Variants in CDH18 observed in about 807,000 individuals in gnomAD.
CDH18 encodes the protein cadherin 18.
CDH18 carries 31 observed loss-of-function variants against 67.9 expected under a neutral mutation model. That is an observed-to-expected ratio of 0.46 (90% confidence interval 0.34 to 0.62). The LOEUF is 0.62. CDH18 is among the 20% of genes least tolerant of loss of function. The pLI, the probability that CDH18 is intolerant of heterozygous loss-of-function variation, is 0.01. For synonymous variants in CDH18, 362 were observed against 347.2 expected, an observed-to-expected ratio of 1.04 and a Z score of -0.48; for missense variants, 890 against 975.5, an observed-to-expected ratio of 0.91 and a Z score of 1.17.
At chr5:20,482,739 ACT>A (rs1024758294) in intron 1 of CDH18, among the ~76,000 whole-genome samples, 4 of 151,810 alleles carry the variant, frequency 2.6e-5, no homozygotes, top group African/African-American at 9.7e-5. Context: ...CCTGATGAAA[ACT>A]CTCAAAAAAA....
At chr5:19,555,176 C>T (rs1336333632) in intron 8 of CDH18, among the ~76,000 whole-genome samples, 1 of 152,164 alleles carries the variant, frequency 6.6e-6, no homozygotes, top group Admixed American at 6.5e-5. Flanking sequence ...TTGCAGCTCC[C>T]ACATGGACCA....
chr5:19,584,640 C>T (rs777431247), intron 7 of CDH18, among the ~76,000 whole-genome samples: 17 of 151,252 alleles, frequency 1.1e-4, no homozygotes, highest in Non-Finnish European at 2.4e-4. Flanking sequence ...GAAATCTAGA[C>T]TACATTAAAA....
intron 2 of CDH18, among the ~76,000 whole-genome samples, chr5:19,960,545 A>ATGTG (rs1796688044): frequency 1.8e-5 from 2 of 113,774 alleles, no homozygotes; most frequent in Admixed American, 9.3e-5. Context: ...TGTTTAATAT[A>ATGTG]CGTGTGTGTG....
chr5:19,482,483 A>T (rs1017859045), intron 12 of CDH18, among the ~76,000 whole-genome samples: 17 of 152,202 alleles, frequency 1.1e-4, no homozygotes, highest in African/African-American at 3.6e-4. Flanking sequence ...AAGACCAAAA[A>T]ATATTTAGTC....
intron 3 of CDH18, among the ~76,000 whole-genome samples, chr5:19,750,665 C>T (rs890053553): frequency 6.6e-6 from 1 of 151,628 alleles, no homozygotes; most frequent in African/African-American, 2.4e-5. Flanking sequence ...TAGCTAACCA[C>T]TATACTACTA....
intron 2 of CDH18, among the ~76,000 whole-genome samples, chr5:19,936,065 A>C (rs1215759876): frequency 6.6e-6 from 1 of 151,264 alleles, no homozygotes; most frequent in Non-Finnish European, 1.5e-5. Flanking sequence ...TTAGCGTGAT[A>C]CAACACAGCA....
intron 1 of CDH18, among the ~76,000 whole-genome samples, chr5:20,495,649 C>G (rs1753860783): frequency 6.6e-6 from 1 of 151,920 alleles, no homozygotes; most frequent in Admixed American, 6.6e-5. Flanking sequence ...AACCAGGAAA[C>G]AAGAAAGAGT....
chr5:20,277,187 G>A (rs1360299619), intron 1 of CDH18, among the ~76,000 whole-genome samples: 1 of 152,108 alleles, frequency 6.6e-6, no homozygotes, highest in East Asian at 1.9e-4. Flanking sequence ...GGTTACTGCA[G>A]GCCTTCGGTG....
In CDH18 at chr5:19,833,775, T is replaced by C. The variant is rs1581560483; in HGVS notation, c.228+4984A>G. Among the ~76,000 whole-genome samples, 8 of 152,346 alleles carry C rather than the reference T, an allele frequency of 5.3e-5. 2 individuals are homozygous for C. The highest frequency in any genetic ancestry group is 5.2e-4 in the Admixed American group (8 of 15,298). ...AAGGCCTTTTCTCCATCTATTGAGATAATCATGTGGTGTTTCTCTTTGGTT... is the reference window on the plus strand; with the variant it reads ...AAGGCCTTTTCTCCATCTATTGAGACAATCATGTGGTGTTTCTCTTTGGTT... On this transcript the variant is annotated intron_variant, in intron 3 of 12. Coordinates refer to ENST00000382275, the MANE Select transcript of CDH18 (RefSeq NM_004934.5).
chr5:19,963,755 ATAAAG>A (rs951287467), intron 2 of CDH18, among the ~76,000 whole-genome samples: 2 of 152,018 alleles, frequency 1.3e-5, no homozygotes, highest in East Asian at 2.0e-4. Context: ...GAATGGACAA[ATAAAG>A]TAATTTACAA....
intron 1 of CDH18, among the ~76,000 whole-genome samples, chr5:20,420,216 C>T (rs180853426): frequency 4.0e-5 from 6 of 151,266 alleles, no homozygotes; most frequent in Non-Finnish European, 5.9e-5. Flanking sequence ...CTTGTTAATA[C>T]GCCAAACTCG....
chr5:20,408,133 G>T (rs1023136026), intron 1 of CDH18, among the ~76,000 whole-genome samples: 1 of 151,906 alleles, frequency 6.6e-6, no homozygotes, highest in Non-Finnish European at 1.5e-5. Context: ...AAAACTACCA[G>T]CCAAGAATCC....
At chr5:20,253,366 T>C (rs1250595562) in intron 2 of CDH18, among the ~76,000 whole-genome samples, 1 of 152,132 alleles carries the variant, frequency 6.6e-6, no homozygotes, top group Non-Finnish European at 1.5e-5. Flanking sequence ...TGCTTATCTC[T>C]AAACATGTCC....
intron 2 of CDH18, among the ~76,000 whole-genome samples, chr5:20,219,194 A>G (rs2126437319): frequency 6.6e-6 from 1 of 152,120 alleles, no homozygotes; most frequent in African/African-American, 2.4e-5. Context: ...TCAAGGGATC[A>G]TTAGCAAATA....
intron 2 of CDH18, among the ~76,000 whole-genome samples, chr5:19,914,466 C>T (rs974125184): frequency 2.6e-5 from 4 of 152,060 alleles, no homozygotes; most frequent in Admixed American, 2.6e-4. Flanking sequence ...TCTATATACA[C>T]ACATAAGTGT....
intron 2 of CDH18, among the ~76,000 whole-genome samples, chr5:20,056,193 C>T (rs1436540047): frequency 6.7e-5 from 10 of 150,126 alleles, no homozygotes; most frequent in African/African-American, 1.9e-4. Context: ...TTAGTAGAGA[C>T]GGGATTTCAC....
At chr5:19,903,558 T>TATATATATATAC (rs1720010596) in intron 2 of CDH18, among the ~76,000 whole-genome samples, 1 of 146,182 alleles carries the variant, frequency 6.8e-6, no homozygotes, top group South Asian at 2.2e-4. Context: ...TATATATATA[T>TATATATATATAC]ATATATATTT....
intron 6 of CDH18, among the ~76,000 whole-genome samples, chr5:19,593,723 C>CTTCTTCTTCTTCTTCTTCTTG (rs1745670111): frequency 8.3e-6 from 1 of 120,482 alleles, no homozygotes; most frequent in African/African-American, 4.0e-5. Context: ...TCTTCTTCTT[C>CTTCTTCTTCTTCTTCTTCTTG]TTCTTCTTCT....
At chr5:19,519,489 A>G (rs1424996243) in intron 10 of CDH18, among the ~76,000 whole-genome samples, 1 of 152,136 alleles carries the variant, frequency 6.6e-6, no homozygotes, top group African/African-American at 2.4e-5. Context: ...TTTGACCTAT[A>G]CCCTTTCCAC....
Sources: gnomAD v4.1 joint callset for allele counts (sites outside exome capture counted in the v4.1 genomes callset) on GRCh38, gnomAD v4.1.1 for gene constraint, MANE v1.5 for transcripts, NCBI Gene and HGNC (gene_info 2026-07-23, HGNC 2026-07-21) for gene names.